DCAF6: variants seen among roughly 807,000 people sequenced by gnomAD.
The protein encoded by DCAF6 is DDB1- and CUL4-associated factor 6.
Under a neutral mutation model 125.1 loss-of-function variants are expected in DCAF6, and 54 were observed. That is an observed-to-expected ratio of 0.43 (90% confidence interval 0.35 to 0.54). The LOEUF (loss-of-function observed/expected upper bound fraction) is 0.54, where lower values mean the gene tolerates loss of function less well. Ranked by LOEUF, DCAF6 falls within the 20% of genes least tolerant of loss-of-function variation. The pLI is 0.01. For synonymous variants in DCAF6, 371 were observed against 390.4 expected (o/e 0.95, Z 0.58); for missense variants, 934 against 1,161.7 (o/e 0.80, Z 2.85).
rs749026499 is a variant in DCAF6 at position 168,044,690 on chromosome 1, A to G, written c.1930+19A>G. The G allele has an allele frequency of 6.3e-7, 1 of 1,578,550 alleles. No homozygotes were observed. The highest frequency in any genetic ancestry group is 1.3e-5 in the African/African-American group (1 of 74,114). On this transcript the variant is annotated intron_variant, in intron 15 of 21. Coordinates refer to ENST00000367840, the MANE Select transcript of DCAF6 (RefSeq NM_001198956.2). Reference sequence around the variant, plus strand: ...AATATAAGTGAGTTGCTCCCTTTAGATAATTGCTTTGTATGGGAAAATAAA... The same window carrying G: ...AATATAAGTGAGTTGCTCCCTTTAGGTAATTGCTTTGTATGGGAAAATAAA...
chr1:167,979,606 G>A (rs1177704118), intron 4 of DCAF6, among the ~76,000 whole-genome samples: 1 of 152,110 alleles, frequency 6.6e-6, no homozygotes, highest in Admixed American at 6.5e-5. Flanking sequence ...ATTTATCTAG[G>A]CTGTGTGCTG....
intron 4 of DCAF6, among the ~76,000 whole-genome samples, chr1:167,975,568 T>TA (rs2102896933): frequency 6.6e-6 from 1 of 152,306 alleles, no homozygotes; most frequent in Non-Finnish European, 1.5e-5. Flanking sequence ...TTATTTATGA[T>TA]ACAGGGTCAC....
chr1:168,065,529 C>G (rs976499798), intron 18 of DCAF6, 61 bp from the exon 19 acceptor site: 47 of 1,168,280 alleles, frequency 4.0e-5, no homozygotes, highest in Non-Finnish European at 5.2e-5. Flanking sequence ...GTAAGAGTAG[C>G]ATAAATCTTT....
intron 17 of DCAF6, among the ~76,000 whole-genome samples, chr1:168,056,716 C>T (rs1428187419): frequency 6.6e-6 from 1 of 152,170 alleles, no homozygotes; most frequent in South Asian, 2.1e-4. Flanking sequence ...AGCAAGAAAC[C>T]TCTTTAAGCT....
intron 11 of DCAF6, among the ~76,000 whole-genome samples, chr1:168,018,452 T>C (rs1685258434): frequency 2.0e-5 from 3 of 152,192 alleles, no homozygotes; most frequent in Admixed American, 2.0e-4. Flanking sequence ...AGTAGCACTG[T>C]TGGGACTTAA....
the DCAF6 span, among the ~76,000 whole-genome samples, chr1:167,901,211 G>T: frequency 6.6e-6 from 1 of 152,300 alleles, no homozygotes; most frequent in African/African-American, 2.4e-5. Flanking sequence ...GAGCTGTGTT[G>T]CAGGCTGACC....
Position 168,004,518 on chromosome 1 carries a change from A to G in DCAF6, c.1118-15A>G. 1.2e-6 allele frequency: 2 copies of G among 1,610,978 alleles called. No homozygotes were observed. The highest frequency in any genetic ancestry group is 1.7e-6 in the Non-Finnish European group (2 of 1,177,834). On this transcript the variant is annotated splice_polypyrimidine_tract_variant and intron_variant, in intron 9 of 21. Transcript: ENST00000367840. ...ATATTTAAAATTTGAATTTGCCTTA[A>G]CATGTGTTTTGAAGGTGGAACAAGT...
At chr1:168,040,423 A>G (rs1688372806) in intron 13 of DCAF6, among the ~76,000 whole-genome samples, 1 of 151,920 alleles carries the variant, frequency 6.6e-6, no homozygotes, top group Admixed American at 6.6e-5. Flanking sequence ...TTAAAAAGCT[A>G]TGGCAGTAAG....
At chr1:167,963,804 T>C (rs1238251500) in intron 2 of DCAF6, among the ~76,000 whole-genome samples, 1 of 152,176 alleles carries the variant, frequency 6.6e-6, no homozygotes, top group Non-Finnish European at 1.5e-5. Flanking sequence ...TACACCTATT[T>C]TTTAAACTTT....
intron 1 of DCAF6, among the ~76,000 whole-genome samples, chr1:167,940,243 G>A (rs1374324381): frequency 6.6e-6 from 1 of 152,214 alleles, no homozygotes; most frequent in South Asian, 2.1e-4. Flanking sequence ...TTTACTTAGA[G>A]CTCCCAAATC....
chr1:167,908,956 T>G, the DCAF6 span, among the ~76,000 whole-genome samples: 8 of 152,358 alleles, frequency 5.3e-5, no homozygotes, highest in South Asian at 1.4e-3. Flanking sequence ...AAATCATAAG[T>G]GTATAGCTTG....
intron 21 of DCAF6, among the ~76,000 whole-genome samples, chr1:168,073,154 C>T (rs981316906): frequency 2.0e-5 from 3 of 150,988 alleles, no homozygotes; most frequent in Non-Finnish European, 4.4e-5. Flanking sequence ...CCAGCCTGGG[C>T]GATAGAGCGA....
At chr1:168,063,501 T>C in intron 17 of DCAF6, 120 bp from the exon 18 acceptor site, 1 of 759,890 alleles carries the variant, frequency 1.3e-6, no homozygotes, top group Non-Finnish European at 1.9e-6. Flanking sequence ...TGGTTGGGGG[T>C]GCCTTATTGA....
At chr1:167,916,188 G>C in the DCAF6 span, among the ~76,000 whole-genome samples, 6 of 151,550 alleles carry the variant, frequency 4.0e-5, no homozygotes, top group Non-Finnish European at 8.8e-5. Flanking sequence ...AAGTGGCAAT[G>C]AGAGTTTTTG....
the DCAF6 span, chr1:167,896,543 C>T: frequency 2.9e-6 from 4 of 1,397,296 alleles, no homozygotes; most frequent in African/African-American, 4.3e-5. Context: ...TGATATAAGA[C>T]CCTACTGACC....
At chr1:167,900,064 A>G in the DCAF6 span, among the ~76,000 whole-genome samples, 1 of 152,236 alleles carries the variant, frequency 6.6e-6, no homozygotes, top group Non-Finnish European at 1.5e-5. Flanking sequence ...GGAAGTATGC[A>G]TTTGACAGTT....
At chr1:168,009,390 T>TTCCTTCCTTCCTTC (rs1557971290) in intron 10 of DCAF6, among the ~76,000 whole-genome samples, 2 of 108,034 alleles carry the variant, frequency 1.9e-5, no homozygotes, top group African/African-American at 8.0e-5. Flanking sequence ...TTCCTTCCTT[T>TTCCTTCCTTCCTTC]CTTTCTTTCT....
chr1:168,066,589 AT>A (rs921213393), intron 20 of DCAF6, 124 bp downstream of exon 20: 8 of 603,058 alleles, frequency 1.3e-5, no homozygotes, highest in East Asian at 9.0e-5. Flanking sequence ...AGGAGGTCAA[AT>A]TTTAAGAAAA....
chr1:168,003,947 G>T lies in DCAF6; in HGVS notation c.1075G>T (p.Val359Phe), dbSNP rs1179547845. 1.9e-6 allele frequency: 3 copies of T among 1,612,480 alleles called. No homozygotes were observed. The highest frequency in any genetic ancestry group is 1.3e-5 in the African/African-American group (1 of 74,952). The change falls in exon 9 of 22, where the codon GTT becomes TTT. Residue 359 changes from valine to phenylalanine, a missense_variant. Physicochemically the swap from Val to Phe is conservative, Grantham distance 50. Around this residue, in one of 5 missense-constraint regions of DCAF6, gnomAD observed 559 missense variants for 635.5 expected, o/e 0.88. Transcript: ENST00000367840. ...LSRWFEEASE[V>F]AQSNRGRGRS... The stretch of plus-strand genomic sequence containing the variant: ...AAGATGGTTTGAAGAAGCAAGTGAG[G>T]TTGCACAAAGCAATAGAGGACGAGG...
Sources: gnomAD v4.1 joint callset for allele counts (sites outside exome capture counted in the v4.1 genomes callset) on GRCh38, gnomAD v4.1.1 for gene constraint, gnomAD v4.1.1 regional missense constraint, MANE v1.5 for transcripts, NCBI Gene and HGNC (gene_info 2026-07-23, HGNC 2026-07-21) for gene names.